The following GBF1 variants were observed in gnomAD, a reference collection of about 807,000 sequenced individuals.
The protein encoded by GBF1 is golgi brefeldin A resistant guanine nucleotide exchange factor 1, also known as Golgi-specific brefeldin A-resistance guanine nucleotide exchange factor 1.
In GBF1, 114 loss-of-function variants were observed where a neutral mutation model predicts 210.5. That is an observed-to-expected ratio of 0.54 (90% CI 0.47 to 0.63). GBF1 has a LOEUF of 0.63. GBF1 is among the 30% of genes least tolerant of loss of function. GBF1 has a pLI of 0.00. For synonymous variants in GBF1, 850 were observed against 889.2 expected, an observed-to-expected ratio of 0.96 and a Z score of 0.78; for missense variants, 1,851 against 2,357.7, an observed-to-expected ratio of 0.79 and a Z score of 4.45.
intron 36 of GBF1, 112 bp from the exon 37 acceptor site, chr10:102,380,137 T>C (rs1589839811): frequency 1.3e-6 from 1 of 797,328 alleles, no homozygotes; most frequent in Non-Finnish European, 2.2e-6. Context: ...GATTCCTCCA[T>C]CTCTGATCTA....
Position 102,359,398 on chromosome 10 carries a change from C to G in GBF1, c.1143C>G (p.Pro381=), listed in dbSNP as rs1451255187. ...ASVHDMDYVN[P]RGVRFTQSSQ... is the part of the protein sequence containing the mutation. Reference sequence around the variant, plus strand: ...TCCATGACATGGATTACGTCAATCCCCGGGGCGTGCGCTTTACACAGTCCT... The same window carrying G: ...TCCATGACATGGATTACGTCAATCCGCGGGGCGTGCGCTTTACACAGTCCT... The change falls in exon 11 of 40, where the codon CCC becomes CCG. Residue 381 remains proline (P), a synonymous_variant. Transcript: ENST00000369983. 1.9e-6 allele frequency: 3 copies of G among 1,613,794 alleles called. No homozygotes were observed. Among genetic ancestry groups the G allele is most frequent in the Non-Finnish European group, 2.5e-6 (3 of 1,179,854 alleles).
At chr10:102,283,387 C>T (rs997515101) in intron 3 of GBF1, among the ~76,000 whole-genome samples, 13 of 152,126 alleles carry the variant, frequency 8.5e-5, no homozygotes, top group African/African-American at 2.7e-4. Flanking sequence ...CAAAAGGAAG[C>T]TGTGGAAATA....
In GBF1 at chr10:102,353,600, G is replaced by T; in HGVS notation, c.585G>T (p.Arg195Ser). Residue 195 changes from arginine to serine, a missense_variant and splice_region_variant, in exon 8 of 40, where the codon AGG becomes AGT. Around this residue, in one of 3 missense-constraint regions of GBF1, gnomAD observed 804 missense variants for 958.6 expected, o/e 0.84. Coordinates refer to ENST00000369983, the MANE Select transcript of GBF1 (RefSeq NM_001377137.1). ...AGTTGATGGATTTTCTATCTTATAG[G>T]TTACCTCAGTTTAAAGAAGAACCCA... ...LVDMVQLLFT[R>S]LPQFKEEPKN... 4 of 1,596,930 alleles carry T rather than the reference G, an allele frequency of 2.5e-6. No homozygotes were observed. Among genetic ancestry groups the T allele is most frequent in the Non-Finnish European group, 3.4e-6 (4 of 1,164,440 alleles).
rs774933047 is a variant in GBF1 at position 102,370,166 on chromosome 10, C to T, written c.3340-8C>T. On this transcript the variant is annotated splice_region_variant and splice_polypyrimidine_tract_variant and intron_variant, in intron 26 of 39. Transcript: ENST00000369983. ...TCAAAGACCCCCTCTCTCTTTTGCC[C>T]TCTCTAGCAATGTGACCCAGAAAAA... The T allele has an allele frequency of 2.1e-5, 33 of 1,607,158 alleles. No individual in the cohort carries two copies. Among genetic ancestry groups the T allele is most frequent in the Non-Finnish European group, 2.4e-5 (28 of 1,173,754 alleles).
At position 102,362,630 on chromosome 10, in the gene GBF1, T is replaced by C. The variant is rs1347078854; in HGVS notation, c.1842T>C (p.Cys614=). 1.9e-6 allele frequency: 3 copies of C among 1,614,052 alleles called. No individual in the cohort carries two copies. Among genetic ancestry groups the C allele is most frequent in the Admixed American group, 3.3e-5 (2 of 59,996 alleles). ...AGAAGGAGACAGCCAGACCAAGCTG[T>C]GAGATAGTAGATGGCACCCGAGAAG... ...QEKKETARPS[C]EIVDGTREAS... Residue 614 remains cysteine (C), a synonymous_variant, in exon 15 of 40, where the codon TGT becomes TGC. Transcript: ENST00000369983.
At chr10:102,235,194 C>T in the GBF1 span, among the ~76,000 whole-genome samples, 219 of 149,116 alleles carry the variant, frequency 1.5e-3, 5 homozygotes, top group East Asian at 0.021. Context: ...CCCACCGCCT[C>T]CCTGGCCCCT....
chr10:102,336,248 C>T (rs998065306), intron 3 of GBF1, among the ~76,000 whole-genome samples: 1 of 149,624 alleles, frequency 6.7e-6, no homozygotes. Flanking sequence ...TTGCAGTGAG[C>T]CAAGATCACT....
Position 102,380,569 on chromosome 10 carries a change from C to G in GBF1, c.5056C>G (p.His1686Asp). The G allele has an allele frequency of 6.2e-7, 1 of 1,614,128 alleles. No individual in the cohort carries two copies. The highest frequency in any genetic ancestry group is 8.5e-7 in the Non-Finnish European group (1 of 1,179,994). ...GGTGATGGACACAGCGGAGATTTTC[C>G]ACAGTGCAGATGCACGGGGAGGCGG... ...LLVMDTAEIF[H>D]SADARGGGPS... Residue 1686 changes from histidine to aspartate, a missense_variant, in exon 38 of 40, where the codon CAC (histidine) becomes GAC (aspartate). His to Asp is a moderately conservative substitution (Grantham distance 81). Coordinates refer to ENST00000369983, the MANE Select transcript of GBF1 (RefSeq NM_001377137.1).
chr10:102,367,277 A>G, intron 20 of GBF1, 67 bp downstream of exon 20: 4 of 1,529,536 alleles, frequency 2.6e-6, no homozygotes, highest in Non-Finnish European at 2.7e-6. Flanking sequence ...GGAAGGACAT[A>G]GGATTTCCAG....
chr10:102,355,600 A>G (rs1297215749), intron 8 of GBF1, among the ~76,000 whole-genome samples: 1 of 152,188 alleles, frequency 6.6e-6, no homozygotes, highest in Non-Finnish European at 1.5e-5. Context: ...CACTAATTGA[A>G]ATGATCAGGT....
chr10:102,233,304 CTT>C, the GBF1 span, among the ~76,000 whole-genome samples: 2 of 107,882 alleles, frequency 1.9e-5, no homozygotes, highest in Admixed American at 1.1e-4. Flanking sequence ...TTTTTTCCTT[CTT>C]TTTTTTTTTT....
intron 8 of GBF1, among the ~76,000 whole-genome samples, chr10:102,354,614 A>C (rs543574438): frequency 9.2e-5 from 14 of 152,162 alleles, no homozygotes; most frequent in Non-Finnish European, 2.1e-4. Flanking sequence ...GTTGCACGTG[A>C]TTGTAGCTTT....
chr10:102,264,933 C>T (rs1432333945), intron 3 of GBF1, among the ~76,000 whole-genome samples: 2 of 152,214 alleles, frequency 1.3e-5, no homozygotes, highest in African/African-American at 4.8e-5. Context: ...GGTTTAGATT[C>T]CAAAGACACA....
chr10:102,274,527 C>G (rs1224946060), intron 3 of GBF1, among the ~76,000 whole-genome samples: 1 of 151,900 alleles, frequency 6.6e-6, no homozygotes, highest in Non-Finnish European at 1.5e-5. Context: ...CTGTGCATCA[C>G]AGACTGACCA....
At chr10:102,231,947 A>C in the GBF1 span, 2 of 1,591,156 alleles carry the variant, frequency 1.3e-6, no homozygotes, top group East Asian at 4.5e-5. Context: ...GCACCCCCGG[A>C]AGGGGGCGCG....
chr10:102,306,601 T>G (rs1469355526), intron 3 of GBF1, among the ~76,000 whole-genome samples: 1 of 152,184 alleles, frequency 6.6e-6, no homozygotes, highest in Non-Finnish European at 1.5e-5. Flanking sequence ...TTTTTGTATT[T>G]TTAGTAGAGA....
chr10:102,295,547 G>A (rs1261413914), intron 3 of GBF1, among the ~76,000 whole-genome samples: 1 of 152,124 alleles, frequency 6.6e-6, no homozygotes, highest in South Asian at 2.1e-4. Context: ...GAAATGATAT[G>A]ATAGGCAAGA....
rs150048398 is a variant in GBF1, at chr10:102,353,784, C to T, written c.639+130C>T. 5.8e-4 allele frequency: 391 copies of T among 671,562 alleles called. 2 individuals carry two copies. The East Asian group carries it at 9.8e-3, about 17-fold the overall frequency. The allele number at this position is 671,562 out of a possible 1,614,324, so 41.6% of individuals were successfully genotyped here. ...AGGTCTGCTTGGAATCTAGAAGTAGCTCTCACTCCTTTCGTGAGAAATGTA... is the reference window on the plus strand; with the variant it reads ...AGGTCTGCTTGGAATCTAGAAGTAGTTCTCACTCCTTTCGTGAGAAATGTA... On this transcript the variant is annotated intron_variant, in intron 8 of 39. Transcript: ENST00000369983.
At chr10:102,370,321 C>T (rs1452916632) in intron 27 of GBF1, 63 bp from the exon 28 acceptor site, 1 of 1,469,268 alleles carries the variant, frequency 6.8e-7, no homozygotes, top group Admixed American at 1.7e-5. Flanking sequence ...TTATTTCTGT[C>T]AGGGCAGGGC....
Sources: gnomAD v4.1 joint callset for allele counts (sites outside exome capture counted in the v4.1 genomes callset) on GRCh38, gnomAD v4.1.1 for gene constraint, gnomAD v4.1.1 regional missense constraint, MANE v1.5 for transcripts, NCBI Gene and HGNC (gene_info 2026-07-23, HGNC 2026-07-21) for gene names.